The following ABR variants were observed in gnomAD, a reference collection of about 807,000 sequenced individuals.
The protein encoded by ABR is active breakpoint cluster region-related protein.
In ABR, 35 loss-of-function variants were observed where a neutral mutation model predicts 107.2. The observed-to-expected ratio is 0.33, with a 90% confidence interval of 0.25 to 0.43. The LOEUF (loss-of-function observed/expected upper bound fraction) is 0.43, where lower values mean the gene tolerates loss of function less well. Among genes scored for constraint, ABR ranks in the 20% least tolerant of loss-of-function variants. The pLI is 1.00. For synonymous variants in ABR, 498 were observed against 462.0 expected (o/e 1.08, Z -1.00); for missense variants, 815 against 1,115.2 (o/e 0.73, Z 3.83).
chr17:1,223,318 CACACACACAG>C (rs986572925), intron 1 of ABR, among the ~76,000 whole-genome samples: 3 of 151,966 alleles, frequency 2.0e-5, no homozygotes, highest in African/African-American at 7.3e-5. Context: ...CACACACACA[CACACACACAG>C]AGACACGAAT....
At chr17:1,046,338 A>G (rs1010216355) in intron 16 of ABR, among the ~76,000 whole-genome samples, 11 of 138,502 alleles carry the variant, frequency 7.9e-5, no homozygotes, top group Non-Finnish European at 1.8e-4. Flanking sequence ...GGGTTTCGCC[A>G]TGTTGGCCAG....
In ABR at chr17:1,148,723, G is replaced by C. The variant is rs559325512; in HGVS notation, c.62-23356C>G. The stretch of plus-strand genomic sequence containing the variant: ...TGGAAAAAGTGTCTTCCACGAAGCC[G>C]GTCCCTGGTGCGCTGGTTTCACAGA... On this transcript the variant is annotated intron_variant, in intron 1 of 22. Coordinates refer to ENST00000302538, the MANE Select transcript of ABR (RefSeq NM_021962.5). The surrounding 1 kb of genome is among the most constrained non-coding windows in gnomAD (Gnocchi z 4.9). Among the ~76,000 whole-genome samples the C allele has an allele frequency of 2.6e-5, 4 of 152,290 alleles. No individual in the cohort carries two copies. Among genetic ancestry groups the C allele is most frequent in the Middle Eastern group, 6.8e-3 (2 of 294 alleles).
intron 1 of ABR, among the ~76,000 whole-genome samples, chr17:1,169,280 A>G (rs530987697): frequency 6.6e-6 from 1 of 152,290 alleles, no homozygotes; most frequent in East Asian, 1.9e-4. Flanking sequence ...GCCAAGAACA[A>G]TGGCCAATCC....
In ABR at chr17:1,071,079, C is replaced by T. The variant is rs2035198984; in HGVS notation, c.895-989G>A. ...TTGGGAGGATGAGGCAGGAGAATTGCTTGAACCCAGAGGGTGGAGGCTGCA... is the reference window on the plus strand; with the variant it reads ...TTGGGAGGATGAGGCAGGAGAATTGTTTGAACCCAGAGGGTGGAGGCTGCA... On this transcript the variant is annotated intron_variant, in intron 8 of 22. Transcript: ENST00000302538. This position sits in a 1 kb window ranked among gnomAD's most constrained non-coding sequence, Gnocchi z 5.1. Among the ~76,000 whole-genome samples the T allele has an allele frequency of 6.6e-6, 1 of 152,078 alleles. No homozygotes were observed. The highest frequency in any genetic ancestry group is 1.5e-5 in the Non-Finnish European group (1 of 68,012).
chr17:1,144,226 G>A (rs886647012), intron 1 of ABR, among the ~76,000 whole-genome samples: 16 of 152,162 alleles, frequency 1.1e-4, no homozygotes, highest in Non-Finnish European at 5.9e-5. Flanking sequence ...CAGACGGGCC[G>A]TATAACCTTG....
intron 16 of ABR, among the ~76,000 whole-genome samples, chr17:1,041,208 G>A (rs1037393245): frequency 2.0e-5 from 3 of 151,970 alleles, no homozygotes; most frequent in South Asian, 2.1e-4. Context: ...ATGAACCACC[G>A]TGCCTGGCCT....
At chr17:1,201,567 C>T (rs915905971) in intron 1 of ABR, among the ~76,000 whole-genome samples, 5 of 152,142 alleles carry the variant, frequency 3.3e-5, no homozygotes, top group Non-Finnish European at 7.4e-5. Flanking sequence ...GAAGAGATGA[C>T]GGCAACCCCG....
rs1555531503 is a variant in ABR, at chr17:1,015,420, G to GGA, written c.1792-2257_1792-2256insTC. ...GCGACAGAGTGAGACCCTGTCTCAA[G>GGA]AAAAAAAAAAAAAAAGTAAGCCGAC... is the stretch of plus-strand genomic sequence containing the variant. On this transcript the variant is annotated intron_variant, in intron 16 of 22. Transcript: ENST00000302538. Among the ~76,000 whole-genome samples the GGA allele has an allele frequency of 2.8e-3, 367 of 131,626 alleles. 3 individuals carry two copies. The highest frequency in any genetic ancestry group is 0.026 in the South Asian group (107 of 4,076). The allele number at this position is 131,626 out of a possible 152,430, so 86.4% of individuals were successfully genotyped here.
chr17:1,221,204 C>T (rs1015479710), intron 1 of ABR, among the ~76,000 whole-genome samples: 4 of 152,148 alleles, frequency 2.6e-5, no homozygotes, highest in African/African-American at 9.7e-5. Context: ...GCCATACACC[C>T]AGATAAAATA....
chr17:1,144,382 C>T (rs546242204), intron 1 of ABR, among the ~76,000 whole-genome samples: 94 of 151,880 alleles, frequency 6.2e-4, no homozygotes, highest in African/African-American at 2.1e-3. Flanking sequence ...GGAAAGGCAA[C>T]GGGATTCAAC....
intron 1 of ABR, among the ~76,000 whole-genome samples, chr17:1,146,737 G>A (rs530052359): frequency 1.1e-4 from 15 of 142,618 alleles, no homozygotes; most frequent in African/African-American, 2.9e-4. Flanking sequence ...ATTGCCACAC[G>A]ACACCACTGC....
At chr17:1,138,088 G>A (rs2040153606) in intron 1 of ABR, among the ~76,000 whole-genome samples, 2 of 149,780 alleles carry the variant, frequency 1.3e-5, no homozygotes. Context: ...TTTTTTAGTA[G>A]AGATGGGGTT....
At chr17:1,166,268 G>C (rs959775818) in intron 1 of ABR, among the ~76,000 whole-genome samples, 1 of 152,138 alleles carries the variant, frequency 6.6e-6, no homozygotes, top group Non-Finnish European at 1.5e-5. Flanking sequence ...ACGGGGGCAG[G>C]CTGCGGCCCC....
chr17:1,188,799 A>T (rs1375197283), upstream of ABR, among the ~76,000 whole-genome samples: 1 of 152,122 alleles, frequency 6.6e-6, no homozygotes, highest in Non-Finnish European at 1.5e-5. Context: ...TTTCGCCTTC[A>T]TAAACGTAGG....
intron 14 of ABR, among the ~76,000 whole-genome samples, chr17:1,052,030 C>T (rs917879701): frequency 3.3e-5 from 5 of 151,494 alleles, no homozygotes; most frequent in African/African-American, 4.9e-5. Flanking sequence ...GCTGAGATGG[C>T]ACCACTGCAC....
intron 16 of ABR, among the ~76,000 whole-genome samples, chr17:1,044,259 C>A (rs1286509706): frequency 6.6e-6 from 1 of 152,206 alleles, no homozygotes; most frequent in Non-Finnish European, 1.5e-5. Context: ...CCCTTGTTCA[C>A]CCACTAACAA....
intron 16 of ABR, among the ~76,000 whole-genome samples, chr17:1,036,608 A>C (rs2073196069): frequency 6.6e-6 from 1 of 152,028 alleles, no homozygotes; most frequent in South Asian, 2.1e-4. Flanking sequence ...AGAGAGAGAC[A>C]AGCAGGCCGA....
In ABR at chr17:1,170,494, C is replaced by T. The variant is rs546331394; in HGVS notation, c.61+9173G>A. ...TTCTGTCGCCCAGGCTGGAGTGCAA[C>T]AGCGTGATCTCAGGTCACTACAACC... On this transcript the variant is annotated intron_variant, in intron 1 of 22. Coordinates refer to ENST00000302538, the MANE Select transcript of ABR (RefSeq NM_021962.5). 8.5e-5 allele frequency among the ~76,000 whole-genome samples: 13 copies of T among 152,228 alleles called. No individual in the cohort carries two copies. The South Asian group carries it at 2.1e-3, about 24-fold the overall frequency.
In ABR at chr17:1,113,285, T is replaced by G. The variant is rs1224014645; in HGVS notation, c.246+11898A>C. On this transcript the variant is annotated intron_variant, in intron 2 of 22. Coordinates refer to ENST00000302538, the MANE Select transcript of ABR (RefSeq NM_021962.5). ...ATGGAAACACCTATTGCGATTTTTT[T>G]TTTTTTTTTTTTTTTTTTTGAGACG... Among the ~76,000 whole-genome samples the G allele has an allele frequency of 1.9e-4, 26 of 139,014 alleles. 1 individual carries two copies. The highest frequency in any genetic ancestry group is 7.0e-4 in the African/African-American group (26 of 37,210). 91.2% of individuals were successfully genotyped at this position (139,014 alleles called of 152,430 possible). A position where few individuals can be genotyped will look rare whatever the true frequency, so the allele number is the denominator to read the frequency against.
Sources: allele counts gnomAD v4.1 joint callset (sites outside exome capture counted in the v4.1 genomes callset), GRCh38; gene constraint gnomAD v4.1.1; non-coding constraint Gnocchi (gnomAD v3.1); transcripts MANE v1.5; gene names NCBI Gene and HGNC (gene_info 2026-07-23, HGNC 2026-07-21).